GAS7: variants seen among roughly 807,000 people sequenced by gnomAD.
GAS7 encodes growth arrest-specific protein 7.
GAS7 carries 28 observed loss-of-function variants against 71.1 expected under a neutral mutation model. That is an observed-to-expected ratio of 0.39 (90% confidence interval 0.29 to 0.54). GAS7 has a LOEUF of 0.54. GAS7 is among the 20% of genes least tolerant of loss of function. GAS7 has a pLI of 0.62. For missense variants in GAS7, 436 were observed against 627.8 expected (o/e 0.69, Z 3.27); for synonymous variants, 258 against 245.8 (o/e 1.05, Z -0.46).
intron 1 of GAS7, among the ~76,000 whole-genome samples, chr17:10,053,948 CT>C (rs1418271057): frequency 6.6e-6 from 1 of 152,160 alleles, no homozygotes; most frequent in Non-Finnish European, 1.5e-5. Flanking sequence ...ACCCTCCAAG[CT>C]TCTGGATCCG....
At chr17:10,152,380 C>T (rs915603051) in intron 1 of GAS7, among the ~76,000 whole-genome samples, 1 of 152,188 alleles carries the variant, frequency 6.6e-6, no homozygotes, top group Non-Finnish European at 1.5e-5. Context: ...GGCATGCAGG[C>T]GGAACACAGA....
intron 1 of GAS7, among the ~76,000 whole-genome samples, chr17:10,063,146 C>G (rs563790224): frequency 6.6e-6 from 1 of 152,356 alleles, no homozygotes; most frequent in East Asian, 1.9e-4. Context: ...GGGGTTTCCC[C>G]TAGAGGAACA....
intron 2 of GAS7, among the ~76,000 whole-genome samples, chr17:10,017,018 C>A (rs1285164137): frequency 6.6e-6 from 1 of 150,576 alleles, no homozygotes; most frequent in Non-Finnish European, 1.5e-5. Context: ...GCAATCCCAG[C>A]TACTCAGGGG....
In GAS7 at chr17:9,969,106, G is replaced by A. The variant is rs907372537; in HGVS notation, c.471+571C>T. ...AGGTCACAAAACCAGTTGGAGCCTC[G>A]GTGACCTCATGCATACCTTGAGTTG... On this transcript the variant is annotated intron_variant, in intron 4 of 13. Coordinates refer to ENST00000432992, the MANE Select transcript of GAS7 (RefSeq NM_201433.2). This position sits in a 1 kb window ranked among gnomAD's most constrained non-coding sequence, Gnocchi z 5.5. Among the ~76,000 whole-genome samples, 4 of 152,134 alleles carry A rather than the reference G, an allele frequency of 2.6e-5. No individual in the cohort carries two copies. Among genetic ancestry groups the A allele is most frequent in the Non-Finnish European group, 4.4e-5 (3 of 68,022 alleles).
chr17:10,141,986 T>TC (rs1555536638), intron 1 of GAS7, among the ~76,000 whole-genome samples: 1 of 151,050 alleles, frequency 6.6e-6, no homozygotes, highest in Non-Finnish European at 1.5e-5. Flanking sequence ...CCCAGCACTT[T>TC]GGGGGGCCGA....
At chr17:10,005,559 G>C (rs11654135) in intron 2 of GAS7, among the ~76,000 whole-genome samples, 1 of 152,058 alleles carries the variant, frequency 6.6e-6, no homozygotes, top group Non-Finnish European at 1.5e-5. Context: ...TGTTCATGCA[G>C]GAAGGTGGGG....
chr17:9,973,559 T>C (rs899024697), intron 3 of GAS7, among the ~76,000 whole-genome samples: 1 of 152,180 alleles, frequency 6.6e-6, no homozygotes, highest in Non-Finnish European at 1.5e-5. Flanking sequence ...GTACTTATAG[T>C]AGAAACTTTT....
chr17:10,097,720 C>T (rs754731426), intron 1 of GAS7, among the ~76,000 whole-genome samples: 14 of 152,116 alleles, frequency 9.2e-5, no homozygotes, highest in Non-Finnish European at 1.3e-4. Flanking sequence ...CCTCTGCCCT[C>T]GCTCTGGGTC....
chr17:10,029,975 G>C (rs1424282087), intron 1 of GAS7, among the ~76,000 whole-genome samples: 1 of 152,118 alleles, frequency 6.6e-6, no homozygotes, highest in Admixed American at 6.5e-5. Context: ...CCTTCCTCCC[G>C]TCCCCATAGT....
intron 2 of GAS7, among the ~76,000 whole-genome samples, chr17:10,013,890 G>A (rs118051045): frequency 6.0e-4 from 91 of 152,246 alleles, no homozygotes; most frequent in Non-Finnish European, 1.2e-3. Context: ...AAGGCCCCGG[G>A]TGATCTTCTA....
chr17:10,013,883 G>T (rs2071884801), intron 2 of GAS7, among the ~76,000 whole-genome samples: 1 of 152,072 alleles, frequency 6.6e-6, no homozygotes, highest in African/African-American at 2.4e-5. Flanking sequence ...GTGCTGCAAG[G>T]CCCCGGGTGA....
At chr17:9,937,331 G>T (rs12449470) in intron 8 of GAS7, among the ~76,000 whole-genome samples, 2,020 of 152,346 alleles carry the variant, frequency 0.013, 97 homozygotes, top group East Asian at 0.097. Context: ...TGTTGGCCAG[G>T]ACACAGTGTC....
intron 8 of GAS7, among the ~76,000 whole-genome samples, chr17:9,935,948 A>T (rs745354883): frequency 8.5e-5 from 13 of 152,208 alleles, no homozygotes; most frequent in Non-Finnish European, 1.8e-4. Context: ...TGGCAGGAGT[A>T]GTCCTGGCAG....
rs1218326469 is a variant in GAS7, at chr17:9,918,090, G to A, written c.1228C>T (p.Arg410Trp). ...EMVTTTLELERLEVERVEMIR... is the reference protein window; with the variant it reads ...EMVTTTLELEWLEVERVEMIR... ...ATCTCTACCCTCTCCACCTCCAGCC[G>A]CTCTAGCTCCTGCCGAGAAAGCAAA... Residue 410 changes from arginine (R) to tryptophan (W), a missense_variant, in exon 13 of 14, where the codon CGG (arginine) becomes TGG (tryptophan). By Grantham distance (101) the Arg-to-Trp change is moderately radical (BLOSUM62 -3). Transcript: ENST00000432992. 2 of 1,612,408 alleles carry A rather than the reference G, an allele frequency of 1.2e-6. No homozygotes were observed. Among genetic ancestry groups the A allele is most frequent in the South Asian group, 1.1e-5 (1 of 91,040 alleles).
intron 1 of GAS7, among the ~76,000 whole-genome samples, chr17:10,041,228 C>G (rs1474375516): frequency 6.6e-6 from 1 of 151,826 alleles, no homozygotes; most frequent in Non-Finnish European, 1.5e-5. Flanking sequence ...AAGACCTTCA[C>G]CTTCAGTCCT....
At chr17:10,135,870 C>T (rs1232904178) in intron 1 of GAS7, among the ~76,000 whole-genome samples, 2 of 152,282 alleles carry the variant, frequency 1.3e-5, no homozygotes, top group East Asian at 3.9e-4. Flanking sequence ...GAGAACTCAA[C>T]TTAGCAGAAA....
At chr17:10,133,414 C>A (rs184531288) in intron 1 of GAS7, among the ~76,000 whole-genome samples, 2 of 151,952 alleles carry the variant, frequency 1.3e-5, no homozygotes, top group East Asian at 3.9e-4. Context: ...TGAGCCACTG[C>A]GCCTCGCCAG....
chr17:9,935,484 T>C (rs8076373), intron 8 of GAS7, among the ~76,000 whole-genome samples: 6,696 of 152,310 alleles, frequency 0.044, 516 homozygotes, highest in African/African-American at 0.15. Flanking sequence ...CTGAATGTTC[T>C]GTTGACTTAA....
At chr17:9,921,773 CA>C (rs2067819303) in intron 11 of GAS7, among the ~76,000 whole-genome samples, 1 of 151,956 alleles carries the variant, frequency 6.6e-6, no homozygotes, top group Non-Finnish European at 1.5e-5. Context: ...TCCTGGCTAA[CA>C]CGGTGAAACC....
Sources: allele counts gnomAD v4.1 joint callset (sites outside exome capture counted in the v4.1 genomes callset), GRCh38; gene constraint gnomAD v4.1.1; non-coding constraint Gnocchi (gnomAD v3.1); transcripts MANE v1.5; gene names NCBI Gene and HGNC (gene_info 2026-07-23, HGNC 2026-07-21).